Variants in ZNF846 observed in about 807,000 individuals in gnomAD.
ZNF846 encodes zinc finger protein 420 pseudogene.
ZNF846 carries 15 observed loss-of-function variants against 16.0 expected under a neutral mutation model. The ratio of observed to expected loss-of-function variants is 0.94; its 90% CI spans 0.63 to 1.45. The LOEUF is 1.45. Ranked by LOEUF, ZNF846 falls within the 40% of genes most tolerant of loss-of-function variation. The probability of loss-of-function intolerance (pLI) is 0.00; values close to 1 mark genes in which losing one functional copy is unlikely to be tolerated. For missense variants in ZNF846, 714 were observed against 622.3 expected (o/e 1.15, Z -1.57); for synonymous variants, 229 against 212.0 (o/e 1.08, Z -0.70).
intron 1 of ZNF846, among the ~76,000 whole-genome samples, chr19:9,782,186 G>C (rs965288225): frequency 2.0e-5 from 3 of 152,118 alleles, no homozygotes; most frequent in African/African-American, 7.2e-5. Flanking sequence ...GCCCCACCAG[G>C]AATGGCACTA....
intron 4 of ZNF846, among the ~76,000 whole-genome samples, chr19:9,760,658 G>A (rs2145211410): frequency 6.7e-6 from 1 of 149,112 alleles, no homozygotes; most frequent in Middle Eastern, 3.8e-3. Context: ...TCAAGATCAT[G>A]CCATTGCACT....
At chr19:9,758,411 T>C in exon 6 of ZNF846, 1 of 1,613,134 alleles carries the variant, frequency 6.2e-7, no homozygotes. Flanking sequence ...AGTGTTTGTC[T>C]CCATTGTGAG....
intron 2 of ZNF846, 145 bp from the exon 3 acceptor site, chr19:9,763,553 G>A: frequency 1.6e-6 from 1 of 613,694 alleles, no homozygotes; most frequent in Non-Finnish European, 2.6e-6. Flanking sequence ...ATATTGTCTT[G>A]CAATGGCATC....
intron 1 of ZNF846, among the ~76,000 whole-genome samples, chr19:9,777,149 GCACA>G (rs113160573): frequency 0.023 from 3,008 of 131,684 alleles, 103 homozygotes; most frequent in African/African-American, 0.079. Context: ...ACACACACAC[GCACA>G]CACACACACA....
At chr19:9,767,733 G>A (rs563436673) in intron 1 of ZNF846, among the ~76,000 whole-genome samples, 1 of 152,148 alleles carries the variant, frequency 6.6e-6, no homozygotes, top group African/African-American at 2.4e-5. Context: ...TCAGGAGTTC[G>A]AGACCAGCCC....
chr19:9,761,653 G>C (rs1392674479), intron 4 of ZNF846, among the ~76,000 whole-genome samples: 1 of 151,260 alleles, frequency 6.6e-6, no homozygotes, highest in East Asian at 1.9e-4. Flanking sequence ...GGAGGTTGCA[G>C]CAAGCCAAGA....
intron 1 of ZNF846, among the ~76,000 whole-genome samples, chr19:9,780,055 T>TG (rs1261052480): frequency 1.3e-5 from 2 of 148,658 alleles, no homozygotes; most frequent in African/African-American, 5.1e-5. Context: ...TTTGTTTTTT[T>TG]TTTTGTTTTT....
At chr19:9,769,278 C>T (rs1410357400), upstream of ZNF846, among the ~76,000 whole-genome samples, 1 of 151,930 alleles carries the variant, frequency 6.6e-6, no homozygotes, top group African/African-American at 2.4e-5. Context: ...ACTTGGGTCT[C>T]ACTGTGTTCC....
intron 1 of ZNF846, among the ~76,000 whole-genome samples, chr19:9,778,679 T>C (rs966948679): frequency 2.6e-5 from 4 of 151,894 alleles, no homozygotes; most frequent in African/African-American, 7.3e-5. Flanking sequence ...GGCATGTGCC[T>C]GTAATCCCAG....
upstream of ZNF846, among the ~76,000 whole-genome samples, chr19:9,771,103 T>A (rs1175696334): frequency 1.3e-5 from 2 of 152,098 alleles, no homozygotes; most frequent in Non-Finnish European, 2.9e-5. Flanking sequence ...TAGTTTTTTA[T>A]CCACTTTTAT....
exon 6 of ZNF846, chr19:9,758,315 A>G (rs1445539572): frequency 3.7e-6 from 6 of 1,613,494 alleles, no homozygotes; most frequent in Non-Finnish European, 4.2e-6. Context: ...CTTTACAGAC[A>G]TAGGGCTTCT....
downstream of ZNF846, among the ~76,000 whole-genome samples, chr19:9,754,217 A>T (rs1013769785): frequency 2.6e-5 from 4 of 151,532 alleles, no homozygotes; most frequent in Non-Finnish European, 5.9e-5. Flanking sequence ...TACTATTTAC[A>T]TGGAATGATC....
intron 2 of ZNF846, 67 bp downstream of exon 2, chr19:9,764,869 A>C: frequency 6.3e-7 from 1 of 1,575,148 alleles, no homozygotes; most frequent in Non-Finnish European, 8.7e-7. Context: ...ATACACGATA[A>C]CAAGGTAAGG....
downstream of ZNF846, chr19:9,757,346 G>T: frequency 1.4e-6 from 1 of 729,158 alleles, no homozygotes; most frequent in Non-Finnish European, 2.2e-6. Flanking sequence ...ACTGGGACTT[G>T]TGTCCATGTT....
In ZNF846 at chr19:9,757,720, TAC is replaced by T; in HGVS notation, c.1355_1356del (p.Cys452Ter). 6.2e-7 allele frequency: 1 copy of T among 1,613,442 alleles called. No individual in the cohort carries two copies. Among genetic ancestry groups the T allele is most frequent in the Non-Finnish European group, 8.5e-7 (1 of 1,179,830 alleles). On this transcript the variant is annotated frameshift_variant, in exon 6 of 6. Coordinates refer to ENST00000397902, the Ensembl canonical transcript of ZNF846. LOFTEE classifies it low-confidence loss of function (END_TRUNC). The stretch of plus-strand genomic sequence containing the variant: ...CGAGCAAATGCTTTACCGCATTCCT[TAC>T]ATTCACAGGCCTTTTCTCCAGTGTG...
chr19:9,777,783 G>A (rs1480885396), intron 1 of ZNF846, among the ~76,000 whole-genome samples: 1 of 152,054 alleles, frequency 6.6e-6, no homozygotes, highest in African/African-American at 2.4e-5. Context: ...GATCACCTGA[G>A]GTCAGGAGTC....
downstream of ZNF846, among the ~76,000 whole-genome samples, chr19:9,751,166 C>G (rs1381575153): frequency 6.6e-6 from 1 of 152,122 alleles, no homozygotes; most frequent in Non-Finnish European, 1.5e-5. Context: ...AAAACTGCAT[C>G]CAGGCTATCA....
At chr19:9,772,686 ATTAGCAAATAAAATAC>A (rs2045399142), upstream of ZNF846, among the ~76,000 whole-genome samples, 1 of 152,200 alleles carries the variant, frequency 6.6e-6, no homozygotes, top group Non-Finnish European at 1.5e-5. Flanking sequence ...GCTGTTAGCT[ATTAGCAAATAAAATAC>A]AAGACCACAT....
At chr19:9,784,611 A>C (rs1453300206) in intron 1 of ZNF846, among the ~76,000 whole-genome samples, 1 of 151,838 alleles carries the variant, frequency 6.6e-6, no homozygotes, top group Non-Finnish European at 1.5e-5. Flanking sequence ...CTCAGCACAG[A>C]CCCTTTACGG....
Sources: allele counts gnomAD v4.1 joint callset (sites outside exome capture counted in the v4.1 genomes callset), GRCh38; gene constraint gnomAD v4.1.1; transcripts MANE v1.5; gene names NCBI Gene and HGNC (gene_info 2026-07-23, HGNC 2026-07-21).